The following PTPRD variants were observed in gnomAD, a reference collection of about 807,000 sequenced individuals.
PTPRD encodes the protein receptor-type tyrosine-protein phosphatase delta.
A neutral mutation model predicts 214.5 loss-of-function variants in PTPRD; 34 were observed. That is an observed-to-expected ratio of 0.16 (90% CI 0.12 to 0.21). The LOEUF (loss-of-function observed/expected upper bound fraction) is 0.21. Ranked by LOEUF, PTPRD falls within the 10% of genes least tolerant of loss-of-function variation. The pLI is 1.00. For synonymous variants in PTPRD, 1,128 were observed against 845.7 expected, an observed-to-expected ratio of 1.33 and a Z score of -5.79; for missense variants, 2,545 against 2,398.7, an observed-to-expected ratio of 1.06 and a Z score of -1.27.
intron 2 of PTPRD, among the ~76,000 whole-genome samples, chr9:10,608,900 A>G (rs1468717199): frequency 2.0e-5 from 3 of 152,146 alleles, no homozygotes; most frequent in African/African-American, 7.2e-5. Context: ...TACGGATGCC[A>G]AATGCTTTTG....
intron 7 of PTPRD, among the ~76,000 whole-genome samples, chr9:9,620,723 C>A (rs143587266): frequency 6.6e-6 from 1 of 152,106 alleles, no homozygotes; most frequent in Non-Finnish European, 1.5e-5. Context: ...AAAAAAAAAT[C>A]AACATAATAT....
intron 9 of PTPRD, among the ~76,000 whole-genome samples, chr9:9,205,316 A>C (rs148464421): frequency 1.3e-5 from 2 of 152,152 alleles, no homozygotes; most frequent in African/African-American, 4.8e-5. Context: ...TAATACTGTA[A>C]ATATGAACTA....
At chr9:9,694,705 C>A (rs1219989202) in intron 7 of PTPRD, among the ~76,000 whole-genome samples, 3 of 152,144 alleles carry the variant, frequency 2.0e-5, no homozygotes, top group Non-Finnish European at 4.4e-5. Flanking sequence ...TCCCACTCTT[C>A]CCTTCACTTA....
intron 11 of PTPRD, among the ~76,000 whole-genome samples, chr9:8,767,141 G>T (rs1284175010): frequency 2.0e-5 from 3 of 151,866 alleles, no homozygotes; most frequent in African/African-American, 7.3e-5. Flanking sequence ...TTTTGAGATG[G>T]AGTTTTGCTC....
chr9:8,361,702 C>T (rs1301378438), intron 39 of PTPRD, among the ~76,000 whole-genome samples: 1 of 152,154 alleles, frequency 6.6e-6, no homozygotes, highest in Non-Finnish European at 1.5e-5. Context: ...CAAACACTGC[C>T]TGGAATGTTG....
At chr9:9,426,836 G>C (rs1423402356) in intron 8 of PTPRD, among the ~76,000 whole-genome samples, 1 of 152,168 alleles carries the variant, frequency 6.6e-6, no homozygotes, top group African/African-American at 2.4e-5. Flanking sequence ...CAGACCTGCA[G>C]CTGAGGGTCC....
chr9:10,136,619 C>A (rs2098946227), intron 3 of PTPRD, among the ~76,000 whole-genome samples: 1 of 85,890 alleles, frequency 1.2e-5, no homozygotes. Flanking sequence ...CTAGGCATTA[C>A]CATTCAGGAC....
chr9:9,025,043 T>C (rs989226204), intron 10 of PTPRD, among the ~76,000 whole-genome samples: 1 of 152,072 alleles, frequency 6.6e-6, no homozygotes, highest in East Asian at 1.9e-4. Context: ...CAGTTTATCG[T>C]TGTTTAGTCC....
intron 2 of PTPRD, among the ~76,000 whole-genome samples, chr9:10,424,990 T>A (rs755117628): frequency 1.3e-4 from 20 of 152,034 alleles, no homozygotes; most frequent in Non-Finnish European, 2.9e-4. Flanking sequence ...GCAAAGGCAA[T>A]GCAAATTGTG....
At chr9:10,135,704 A>G (rs746328524) in intron 3 of PTPRD, among the ~76,000 whole-genome samples, 4 of 152,122 alleles carry the variant, frequency 2.6e-5, no homozygotes, top group Admixed American at 6.6e-5. Flanking sequence ...CCACTAGACT[A>G]GTATTACAAG....
At chr9:8,962,553 AGAGC>A (rs1040558534) in intron 11 of PTPRD, among the ~76,000 whole-genome samples, 3 of 151,676 alleles carry the variant, frequency 2.0e-5, no homozygotes, top group African/African-American at 7.3e-5. Flanking sequence ...AGAGAGAGAG[AGAGC>A]GAGAGCACTC....
chr9:10,109,153 G>A (rs552035955), intron 3 of PTPRD, among the ~76,000 whole-genome samples: 11 of 152,214 alleles, frequency 7.2e-5, no homozygotes, highest in South Asian at 6.2e-4. Context: ...ATCTAAACAG[G>A]AGGCTAAAAA....
At chr9:10,211,256 G>A (rs1478080618) in intron 3 of PTPRD, among the ~76,000 whole-genome samples, 1 of 152,054 alleles carries the variant, frequency 6.6e-6, no homozygotes, top group East Asian at 1.9e-4. Context: ...TGCCTGAAGA[G>A]CACTTTGAAA....
rs181816219 is a variant in PTPRD, at chr9:9,561,701, A to G, written c.-237+13031T>C. Among the ~76,000 whole-genome samples the G allele has an allele frequency of 4.6e-5, 7 of 152,356 alleles. No homozygotes were observed. In the East Asian group the frequency reaches 1.4e-3, roughly 29 times the overall value. On this transcript the variant is annotated intron_variant, in intron 8 of 45. Coordinates refer to ENST00000381196, the MANE Select transcript of PTPRD (RefSeq NM_002839.4). ...AAACAAAAGAAGGGTACTAATTTAT[A>G]AAACATCCGTGTTGGTAAAAATCTG...
chr9:10,281,505 A>G (rs2095110107), intron 3 of PTPRD, among the ~76,000 whole-genome samples: 1 of 152,210 alleles, frequency 6.6e-6, no homozygotes. Context: ...AGTGGCTGAG[A>G]AGAGAATGGA....
At chr9:9,040,166 C>G (rs1050799682) in intron 10 of PTPRD, among the ~76,000 whole-genome samples, 1 of 152,124 alleles carries the variant, frequency 6.6e-6, no homozygotes, top group Admixed American at 6.6e-5. Context: ...CTATGAAACT[C>G]AAGTTTATGC....
At chr9:9,455,486 G>C (rs2092859251) in intron 8 of PTPRD, among the ~76,000 whole-genome samples, 1 of 151,490 alleles carries the variant, frequency 6.6e-6, no homozygotes, top group South Asian at 2.1e-4. Context: ...GGTTAAATAA[G>C]AGATCTGTAA....
chr9:9,879,248 G>A (rs2067858249), intron 5 of PTPRD, among the ~76,000 whole-genome samples: 2 of 152,076 alleles, frequency 1.3e-5, no homozygotes, highest in Admixed American at 1.3e-4. Context: ...TAACATTTGA[G>A]ACAGATAATT....
chr9:8,780,541 C>CA (rs2095654160), intron 11 of PTPRD, among the ~76,000 whole-genome samples: 1 of 152,092 alleles, frequency 6.6e-6, no homozygotes, highest in Admixed American at 6.6e-5. Flanking sequence ...AGAAGTCTAA[C>CA]AAAAAATGTC....
Sources: allele counts gnomAD v4.1 joint callset (sites outside exome capture counted in the v4.1 genomes callset), GRCh38; gene constraint gnomAD v4.1.1; transcripts MANE v1.5; gene names NCBI Gene and HGNC (gene_info 2026-07-23, HGNC 2026-07-21).